The following PGM3 variants were observed in gnomAD, a reference collection of about 807,000 sequenced individuals.
PGM3 encodes the protein phosphoglucomutase 3.
Under a neutral mutation model 66.2 loss-of-function variants are expected in PGM3, and 40 were observed. That is an observed-to-expected ratio of 0.60 (90% CI 0.47 to 0.79). PGM3 has a LOEUF of 0.79. Ranked by LOEUF, PGM3 falls within the 30% of genes least tolerant of loss-of-function variation. The probability of loss-of-function intolerance (pLI) is 0.00; values close to 1 mark genes in which losing one functional copy is unlikely to be tolerated. For synonymous variants in PGM3, 191 were observed against 224.2 expected (o/e 0.85, Z 1.32); for missense variants, 537 against 643.4 (o/e 0.83, Z 1.79).
At chr6:83,157,258 A>G (rs1236596654), downstream of PGM3, 1 of 1,613,986 alleles carries the variant, frequency 6.2e-7, no homozygotes, top group South Asian at 1.1e-5. Flanking sequence ...TCAGAGTGTT[A>G]CTTTTAAGAA....
intron 8 of PGM3, among the ~76,000 whole-genome samples, chr6:83,177,737 G>A (rs1056201341): frequency 5.3e-5 from 8 of 152,116 alleles, no homozygotes; most frequent in Non-Finnish European, 7.3e-5. Context: ...TGAGCTTAGC[G>A]AGAATCCCTC....
At chr6:83,177,120 C>A (rs1787828467) in intron 8 of PGM3, among the ~76,000 whole-genome samples, 1 of 152,116 alleles carries the variant, frequency 6.6e-6, no homozygotes, top group Non-Finnish European at 1.5e-5. Context: ...TCAGCTGGCA[C>A]ATACTGACCT....
intron 10 of PGM3, among the ~76,000 whole-genome samples, chr6:83,174,078 A>G (rs986518618): frequency 6.6e-6 from 1 of 151,542 alleles, no homozygotes; most frequent in African/African-American, 2.4e-5. Context: ...AGGTTTGGTT[A>G]AAAAAAAATT....
chr6:83,160,010 T>G, downstream of PGM3: 3 of 1,582,574 alleles, frequency 1.9e-6, no homozygotes, highest in Non-Finnish European at 2.6e-6. Context: ...GTGCATTTGC[T>G]TTGGTCACTG....
chr6:83,171,730 G>A (rs1022035123), intron 11 of PGM3, among the ~76,000 whole-genome samples: 11 of 152,136 alleles, frequency 7.2e-5, no homozygotes, highest in Admixed American at 1.3e-4. Context: ...CTCATGATCC[G>A]CCCGCTTTGG....
intron 7 of PGM3, 75 bp from the exon 8 acceptor site, chr6:83,178,831 A>G (rs1787965195): frequency 1.4e-5 from 12 of 884,754 alleles, no homozygotes; most frequent in African/African-American, 3.3e-5. Context: ...AGAGTTCTAA[A>G]GGCTACCAAA....
chr6:83,188,585 TTTTTTTTA>T (rs1224324704), intron 3 of PGM3, 21 bp downstream of exon 3: 1 of 1,553,464 alleles, frequency 6.4e-7, no homozygotes, highest in Non-Finnish European at 8.8e-7. Context: ...CCAAAGGTTT[TTTTTTTTA>T]CCAGTAACTC....
At chr6:83,159,903 G>A, downstream of PGM3, 1 of 1,614,004 alleles carries the variant, frequency 6.2e-7, no homozygotes, top group Non-Finnish European at 8.5e-7. Context: ...CTCTCTGCTT[G>A]CAAATTTTTG....
intron 4 of PGM3, 24 bp from the exon 5 acceptor site, chr6:83,183,002 A>G (rs768235312): frequency 1.8e-4 from 293 of 1,602,950 alleles, no homozygotes; most frequent in Non-Finnish European, 2.4e-4. Context: ...ACAAAAAGCA[A>G]TTCACCGCAT....
the PGM3 span, chr6:83,148,719 A>T: frequency 1.5e-6 from 2 of 1,333,870 alleles, no homozygotes; most frequent in Non-Finnish European, 2.0e-6. Flanking sequence ...AGAAAACCAT[A>T]GTTTATTGTG....
the PGM3 span, among the ~76,000 whole-genome samples, chr6:83,150,510 C>CT: frequency 6.6e-6 from 1 of 152,112 alleles, no homozygotes; most frequent in Non-Finnish European, 1.5e-5. Context: ...ATACTAGAAA[C>CT]TTTATTTCCT....
chr6:83,152,220 A>C, the PGM3 span: 1 of 858,540 alleles, frequency 1.2e-6, no homozygotes. Context: ...ATACACACAC[A>C]CACACACACA....
chr6:83,148,764 C>G, the PGM3 span: 1 of 1,546,394 alleles, frequency 6.5e-7, no homozygotes, highest in Non-Finnish European at 8.7e-7. Flanking sequence ...TGCAGAATTC[C>G]AGTGCCCAAT....
At position 83,167,822 on chromosome 6, in the gene PGM3, T is replaced by C. The variant is rs1341283903; in HGVS notation, c.*1412A>G. The C allele has an allele frequency of 6.5e-7, 1 of 1,549,204 alleles. No individual in the cohort carries two copies. The highest frequency in any genetic ancestry group is 8.7e-7 in the Non-Finnish European group (1 of 1,149,972). On this transcript the variant is annotated 3_prime_UTR_variant, in exon 13 of 13. Coordinates refer to ENST00000513973, the MANE Select transcript of PGM3 (RefSeq NM_015599.3). ...TTAATTTTTCTAACATACCACATTG[T>C]CTGTTGTATTAATACCAGTTCACTT... is the stretch of plus-strand genomic sequence containing the variant.
At chr6:83,187,877 G>A (rs1199593821) in intron 3 of PGM3, among the ~76,000 whole-genome samples, 1 of 152,168 alleles carries the variant, frequency 6.6e-6, no homozygotes, top group African/African-American at 2.4e-5. Context: ...TAATAGTTAA[G>A]AACCAAATAC....
chr6:83,182,961 T>C lies in PGM3; in HGVS notation c.475A>G (p.Thr159Ala). 6.2e-7 allele frequency: 1 copy of C among 1,613,766 alleles called. No homozygotes were observed. Among genetic ancestry groups the C allele is most frequent in the South Asian group, 1.1e-5 (1 of 90,990 alleles). Residue 159 changes from threonine to alanine, a missense_variant, in exon 5 of 13, where the codon ACA (threonine) becomes GCA (alanine). Transcript: ENST00000513973. ...TACACCATGTAGTGCAGCTGGGGTG[T>C]TGTTAACAAGCCATAATCTGTCATA... is the stretch of plus-strand genomic sequence containing the variant. ...GQFHDYGLLT[T>A]PQLHYMVYCR... is the part of the protein sequence containing the mutation.
chr6:83,184,692 C>G (rs1788443925), intron 4 of PGM3, among the ~76,000 whole-genome samples: 1 of 152,186 alleles, frequency 6.6e-6, no homozygotes, highest in South Asian at 2.1e-4. Flanking sequence ...AATGCAATAC[C>G]AATTTTTCAA....
intron 8 of PGM3, 64 bp downstream of exon 8, chr6:83,178,609 T>C: frequency 1.1e-6 from 1 of 883,574 alleles, no homozygotes; most frequent in Non-Finnish European, 1.9e-6. Flanking sequence ...ATGAGGGCAG[T>C]ATCTTTCTCA....
chr6:83,170,161 A>G, intron 12 of PGM3, 144 bp downstream of exon 12: 1 of 675,916 alleles, frequency 1.5e-6, no homozygotes, highest in Non-Finnish European at 2.5e-6. Flanking sequence ...TGGTGAAAAT[A>G]ATTTTGTAGT....
Sources: gnomAD v4.1 joint callset for allele counts (sites outside exome capture counted in the v4.1 genomes callset) on GRCh38, gnomAD v4.1.1 for gene constraint, MANE v1.5 for transcripts, NCBI Gene and HGNC (gene_info 2026-07-23, HGNC 2026-07-21) for gene names.